Variants in AGBL4 observed in about 807,000 individuals in gnomAD.
The protein encoded by AGBL4 is cytosolic carboxypeptidase 6.
A neutral mutation model predicts 66.4 loss-of-function variants in AGBL4; 58 were observed. That is an observed-to-expected ratio of 0.87 (90% CI 0.71 to 1.09). The LOEUF is 1.09. AGBL4 is among the 50% of genes least tolerant of loss of function. The pLI is 0.00. For synonymous variants in AGBL4, 234 were observed against 222.9 expected (o/e 1.05, Z -0.44); for missense variants, 579 against 631.0 (o/e 0.92, Z 0.88).
chr1:48,912,659 G>A (rs548676003), intron 5 of AGBL4, among the ~76,000 whole-genome samples: 40 of 152,220 alleles, frequency 2.6e-4, no homozygotes, highest in Middle Eastern at 3.4e-3. Context: ...TACATAAGGT[G>A]GTTTCCTGTC....
chr1:48,813,841 C>CTT (rs767698264), intron 6 of AGBL4, among the ~76,000 whole-genome samples: 5 of 140,616 alleles, frequency 3.6e-5, no homozygotes, highest in African/African-American at 5.2e-5. Flanking sequence ...TTTTGGGTAG[C>CTT]TTTTTTTTTT....
At chr1:48,776,636 G>A in intron 6 of AGBL4, 1 of 1,480,152 alleles carries the variant, frequency 6.8e-7, no homozygotes, top group Non-Finnish European at 8.9e-7. Context: ...GCCTTGTGGA[G>A]CAACAGCGCG....
chr1:48,967,822 G>C (rs1658567617), intron 5 of AGBL4, among the ~76,000 whole-genome samples: 1 of 152,146 alleles, frequency 6.6e-6, no homozygotes, highest in Non-Finnish European at 1.5e-5. Context: ...TGATTAACTT[G>C]TTACAGGTAA....
At chr1:48,691,174 A>AAC (rs1553208069) in intron 6 of AGBL4, among the ~76,000 whole-genome samples, 5 of 148,874 alleles carry the variant, frequency 3.4e-5, no homozygotes, top group African/African-American at 1.3e-4. Flanking sequence ...AAAAAAAAAA[A>AAC]ACACATATAT....
chr1:49,915,066 G>A (rs1651258356), intron 1 of AGBL4, among the ~76,000 whole-genome samples: 1 of 152,120 alleles, frequency 6.6e-6, no homozygotes, highest in Middle Eastern at 3.2e-3. Context: ...ATAATTAAAA[G>A]AGGCTACTTA....
chr1:48,619,792 C>A (rs115268659), intron 9 of AGBL4, among the ~76,000 whole-genome samples: 2 of 152,264 alleles, frequency 1.3e-5, no homozygotes, highest in East Asian at 3.9e-4. Context: ...TAGGATCAGC[C>A]GGTGGGGGCT....
chr1:49,000,029 A>C (rs1407554743), intron 5 of AGBL4, among the ~76,000 whole-genome samples: 1 of 152,022 alleles, frequency 6.6e-6, no homozygotes, highest in Non-Finnish European at 1.5e-5. Flanking sequence ...CATCCTTTGG[A>C]TCTCAGCTTC....
intron 1 of AGBL4, among the ~76,000 whole-genome samples, chr1:49,934,385 A>C (rs1349885699): frequency 6.6e-6 from 1 of 152,206 alleles, no homozygotes; most frequent in Non-Finnish European, 1.5e-5. Flanking sequence ...AAGTAGTCAT[A>C]TGTGAGGTCA....
intron 2 of AGBL4, among the ~76,000 whole-genome samples, chr1:49,700,110 G>A (rs1023511747): frequency 1.7e-4 from 25 of 151,080 alleles, no homozygotes; most frequent in Non-Finnish European, 3.7e-4. Context: ...TTTCCTTTTA[G>A]GAGCACAAAA....
intron 5 of AGBL4, among the ~76,000 whole-genome samples, chr1:48,925,259 C>A (rs1654440360): frequency 1.3e-5 from 2 of 152,018 alleles, no homozygotes; most frequent in Admixed American, 1.3e-4. Context: ...TCCATGGACA[C>A]TCAAGTCCTT....
Position 49,622,396 on chromosome 1 carries a change from G to A in AGBL4, c.282+74917C>T, listed in dbSNP as rs541264526. Among the ~76,000 whole-genome samples the A allele has an allele frequency of 2.9e-3, 434 of 152,004 alleles. 3 individuals carry two copies. Among genetic ancestry groups the A allele is most frequent in the African/African-American group, 9.9e-3 (411 of 41,480 alleles). On this transcript the variant is annotated intron_variant, in intron 3 of 13. Coordinates refer to ENST00000371839, the MANE Select transcript of AGBL4 (RefSeq NM_032785.4). ...TGTAATCCCAGCACTTTGGGAGGCC[G>A]AGGCGGGCGGATCACGAGGTCAGGA...
At chr1:48,663,952 C>T (rs865802052) in intron 6 of AGBL4, among the ~76,000 whole-genome samples, 6 of 152,224 alleles carry the variant, frequency 3.9e-5, no homozygotes, top group African/African-American at 1.2e-4. Flanking sequence ...GCCTTCATTT[C>T]CCTTTTATCT....
intron 3 of AGBL4, among the ~76,000 whole-genome samples, chr1:49,446,730 ACT>A (rs1469323342): frequency 6.6e-6 from 1 of 151,986 alleles, no homozygotes; most frequent in African/African-American, 2.4e-5. Flanking sequence ...TGGTGGGATG[ACT>A]CTCTGTGTCC....
chr1:49,368,235 T>C (rs1644277018), intron 3 of AGBL4, among the ~76,000 whole-genome samples: 1 of 152,190 alleles, frequency 6.6e-6, no homozygotes, highest in South Asian at 2.1e-4. Flanking sequence ...GTACAAGATT[T>C]TGTTTGAAAA....
At chr1:49,382,698 C>T (rs1164151577) in intron 3 of AGBL4, among the ~76,000 whole-genome samples, 3 of 152,036 alleles carry the variant, frequency 2.0e-5, no homozygotes, top group South Asian at 2.1e-4. Flanking sequence ...AAAAGGCATC[C>T]AACTTGTAAA....
At chr1:49,684,867 G>A (rs1646758836) in intron 3 of AGBL4, among the ~76,000 whole-genome samples, 1 of 151,988 alleles carries the variant, frequency 6.6e-6, no homozygotes, top group African/African-American at 2.4e-5. Flanking sequence ...CTGACACCCA[G>A]CCCAATTAAA....
chr1:49,715,849 T>TG (rs1374047006), intron 2 of AGBL4, among the ~76,000 whole-genome samples: 2 of 152,216 alleles, frequency 1.3e-5, no homozygotes, highest in East Asian at 3.8e-4. Context: ...TTCTGGATTT[T>TG]GGCCCTATGT....
chr1:48,620,156 A>G (rs552093338), intron 9 of AGBL4, among the ~76,000 whole-genome samples: 1 of 152,308 alleles, frequency 6.6e-6, no homozygotes, highest in East Asian at 1.9e-4. Flanking sequence ...TTGTAACCCA[A>G]TTAAAGATAT....
intron 6 of AGBL4, among the ~76,000 whole-genome samples, chr1:48,722,097 C>T (rs1228369688): frequency 2.5e-5 from 3 of 118,614 alleles, no homozygotes; most frequent in African/African-American, 6.7e-5. Flanking sequence ...AAGTACTGGT[C>T]AATAAATCTG....
Sources: allele counts gnomAD v4.1 joint callset (sites outside exome capture counted in the v4.1 genomes callset), GRCh38; gene constraint gnomAD v4.1.1; transcripts MANE v1.5; gene names NCBI Gene and HGNC (gene_info 2026-07-23, HGNC 2026-07-21).